Variants in PHKA1 observed in about 807,000 individuals in gnomAD.
The protein encoded by PHKA1 is phosphorylase b kinase regulatory subunit alpha, skeletal muscle isoform.
PHKA1 carries 60 observed loss-of-function variants against 110.2 expected under a neutral mutation model. The observed-to-expected ratio is 0.54, with a 90% CI of 0.44 to 0.68. The LOEUF (loss-of-function observed/expected upper bound fraction) is 0.68. Among genes scored for constraint, PHKA1 ranks in the 30% least tolerant of loss-of-function variants. The pLI, the probability that PHKA1 is intolerant of heterozygous loss-of-function variation, is 0.00. For synonymous variants in PHKA1, 316 were observed against 333.6 expected (o/e 0.95, Z 0.58); for missense variants, 801 against 942.5 (o/e 0.85, Z 1.97).
At chrX:72,639,540 T>TG (rs1300191149) in intron 14 of PHKA1, among the ~76,000 whole-genome samples, 2 of 110,384 alleles carry the variant, frequency 1.8e-5, no homozygotes, top group Non-Finnish European at 3.8e-5. Context: ...GACTCCATCT[T>TG]GGGGGGAGAA....
At position 72,582,344 on chromosome X, in the gene PHKA1, C is replaced by T. The variant is rs1481101401; in HGVS notation, c.3498+54G>A. ...TGGCTCCTCAAAGACCTCTGAATGT[C>T]ATCAGGTTGGAGTAAAAACATTTCT... On this transcript the variant is annotated intron_variant, in intron 31 of 31. Transcript: ENST00000373542. The T allele has an allele frequency of 6.9e-6, 6 of 875,547 alleles. No homozygotes were observed. The African/African-American group carries it at 7.9e-5, about 12-fold the overall frequency. The allele number at this position is 875,547 out of a possible 1,213,427, so 72.2% of individuals were successfully genotyped here. A position where few individuals can be genotyped will look rare whatever the true frequency, so the allele number is the denominator to read the frequency against.
chrX:72,635,067 A>G (rs934632583), intron 16 of PHKA1, 88 bp downstream of exon 16: 41 of 1,055,479 alleles, frequency 3.9e-5, no homozygotes, highest in South Asian at 9.5e-5. Flanking sequence ...TATAAGAAGT[A>G]GCTCTCTAGA....
intron 21 of PHKA1, among the ~76,000 whole-genome samples, chrX:72,613,449 G>A (rs1025877613): frequency 3.6e-5 from 4 of 109,785 alleles, no homozygotes; most frequent in African/African-American, 1.3e-4. Context: ...GGTATCTGGG[G>A]GAACAGAGAT....
intron 21 of PHKA1, 132 bp downstream of exon 21, chrX:72,618,578 C>A: frequency 3.8e-6 from 2 of 526,463 alleles, no homozygotes; most frequent in South Asian, 3.0e-5. Context: ...GGTTTGAAGT[C>A]ACATGATGGA....
chrX:72,685,410 A>C (rs1003655070), intron 4 of PHKA1, among the ~76,000 whole-genome samples: 1 of 111,736 alleles, frequency 8.9e-6, no homozygotes, highest in Non-Finnish European at 1.9e-5. Context: ...TGGTGGTGAG[A>C]TTCAAGGTAG....
At chrX:72,713,773 G>C (rs782784450) in intron 1 of PHKA1, 30 bp downstream of exon 1, 65 of 1,115,499 alleles carry the variant, frequency 5.8e-5, no homozygotes, top group Non-Finnish European at 7.4e-5. Context: ...ATCCTCGCTC[G>C]GTGATTACGA....
chrX:72,633,552 T>C (rs1357645155), intron 16 of PHKA1, among the ~76,000 whole-genome samples: 1 of 111,978 alleles, frequency 8.9e-6, no homozygotes, highest in African/African-American at 3.2e-5. Flanking sequence ...TCATACCTTA[T>C]ATCTAGTTAT....
intron 3 of PHKA1, among the ~76,000 whole-genome samples, chrX:72,699,436 G>A (rs1362831961): frequency 7.9e-5 from 8 of 101,756 alleles, no homozygotes; most frequent in African/African-American, 2.9e-4. Flanking sequence ...TTGAACCCAG[G>A]AGGTGGAGGT....
At position 72,582,602 on chromosome X, in the gene PHKA1, TG is replaced by T. The variant is rs782266971; in HGVS notation, c.3298-5del. ...ATTTAATCTCACCTGGAGTCATCTG[TG>T]ATAGAGAAAAAGAAAATCACTTCCT... On this transcript the variant is annotated splice_region_variant and splice_polypyrimidine_tract_variant and intron_variant, in intron 30 of 31. Coordinates refer to ENST00000373542, the MANE Select transcript of PHKA1 (RefSeq NM_002637.4). The T allele has an allele frequency of 8.7e-7, 1 of 1,146,490 alleles. No individual in the cohort carries two copies. The highest frequency in any genetic ancestry group is 3.0e-5 in the East Asian group (1 of 33,484). The allele number at this position is 1,146,490 out of a possible 1,213,427, so 94.5% of individuals were successfully genotyped here.
intron 13 of PHKA1, among the ~76,000 whole-genome samples, chrX:72,649,003 G>A (rs1272410222): frequency 3.6e-5 from 4 of 111,713 alleles, no homozygotes; most frequent in African/African-American, 6.5e-5. Flanking sequence ...GAAGAGGAAG[G>A]CTGTAGCCAG....
intron 4 of PHKA1, among the ~76,000 whole-genome samples, chrX:72,686,036 T>C (rs2053963190): frequency 8.9e-6 from 1 of 111,799 alleles, no homozygotes; most frequent in South Asian, 3.8e-4. Context: ...AAAAACTTCC[T>C]TAAAAGGACT....
intron 17 of PHKA1, among the ~76,000 whole-genome samples, chrX:72,624,713 C>G (rs1400035049): frequency 3.6e-5 from 4 of 111,366 alleles, no homozygotes; most frequent in Non-Finnish European, 5.6e-5. Flanking sequence ...TTATTTCCAT[C>G]TTGTGCCTCT....
At position 72,598,439 on chromosome X, in the gene PHKA1, T is replaced by A. The variant is rs149107465; in HGVS notation, c.3072+3552A>T. On this transcript the variant is annotated intron_variant, in intron 28 of 31. Coordinates refer to ENST00000373542, the MANE Select transcript of PHKA1 (RefSeq NM_002637.4). Reference sequence around the variant, plus strand: ...AAATGGTGCAGCCCTTTTGGACATGTCTGGCAGTTCTTCAGAATGCGACAC... The same window carrying A: ...AAATGGTGCAGCCCTTTTGGACATGACTGGCAGTTCTTCAGAATGCGACAC... Among the ~76,000 whole-genome samples the A allele has an allele frequency of 3.2e-3, 359 of 111,850 alleles. 1 individual carries two copies. Among genetic ancestry groups the A allele is most frequent in the African/African-American group, 0.011 (346 of 30,795 alleles).
intron 29 of PHKA1, among the ~76,000 whole-genome samples, chrX:72,587,021 C>T (rs1273414137): frequency 9.0e-6 from 1 of 111,050 alleles, no homozygotes; most frequent in African/African-American, 3.3e-5. Flanking sequence ...GGATACTATC[C>T]AGGAGAACTT....
At chrX:72,618,599 A>C in intron 21 of PHKA1, 111 bp downstream of exon 21, 1 of 639,895 alleles carries the variant, frequency 1.6e-6, no homozygotes, top group Non-Finnish European at 2.5e-6. Context: ...TAGGTTGTTA[A>C]ACTATATTCA....
intron 21 of PHKA1, among the ~76,000 whole-genome samples, chrX:72,613,152 A>T (rs1233864493): frequency 9.0e-6 from 1 of 111,667 alleles, no homozygotes; most frequent in African/African-American, 3.3e-5. Flanking sequence ...TAATTTAAAA[A>T]TTTTTAAATT....
At chrX:72,630,686 T>C (rs890615923) in intron 16 of PHKA1, among the ~76,000 whole-genome samples, 32 of 111,313 alleles carry the variant, frequency 2.9e-4, no homozygotes, top group African/African-American at 9.8e-4. Flanking sequence ...GAAATGGTAT[T>C]GTTTCTTTCT....
intron 12 of PHKA1, among the ~76,000 whole-genome samples, chrX:72,650,766 G>C (rs1556298769): frequency 1.8e-5 from 2 of 111,992 alleles, no homozygotes; most frequent in African/African-American, 6.5e-5. Flanking sequence ...CTGTCACCCA[G>C]GCTGGAGTGC....
intron 9 of PHKA1, 56 bp downstream of exon 9, chrX:72,657,532 C>G: frequency 1.2e-6 from 1 of 847,791 alleles, no homozygotes; most frequent in Non-Finnish European, 1.8e-6. Context: ...CTGAATGAGG[C>G]TGCAGGTAGA....
Sources: allele counts gnomAD v4.1 joint callset (sites outside exome capture counted in the v4.1 genomes callset), GRCh38; gene constraint gnomAD v4.1.1; transcripts MANE v1.5; gene names NCBI Gene and HGNC (gene_info 2026-07-23, HGNC 2026-07-21).